The following MYO5B variants were observed in gnomAD, a reference collection of about 807,000 sequenced individuals.
MYO5B encodes unconventional myosin-Vb.
In MYO5B, 143 loss-of-function variants were observed where a neutral mutation model predicts 229.3. That is an observed-to-expected ratio of 0.62 (90% CI 0.54 to 0.72). The LOEUF is 0.72. Among genes scored for constraint, MYO5B ranks in the 30% least tolerant of loss-of-function variants. The pLI is 0.00. For missense variants in MYO5B, 2,321 were observed against 2,331.0 expected (o/e 1.00, Z 0.09); for synonymous variants, 918 against 885.2 (o/e 1.04, Z -0.66).
intron 14 of MYO5B, among the ~76,000 whole-genome samples, chr18:49,942,819 G>C (rs1012889655): frequency 2.4e-4 from 37 of 152,148 alleles, no homozygotes; most frequent in African/African-American, 8.7e-4. Context: ...ATTCCTCAGG[G>C]ATCTAGAACT....
At chr18:50,176,630 G>T (rs1430284369) in intron 1 of MYO5B, among the ~76,000 whole-genome samples, 2 of 152,158 alleles carry the variant, frequency 1.3e-5, no homozygotes, top group African/African-American at 4.8e-5. Flanking sequence ...CTTCTTGATG[G>T]TCAAAGAGCC....
intron 5 of MYO5B, among the ~76,000 whole-genome samples, chr18:49,993,076 C>T (rs1433476953): frequency 3.9e-5 from 6 of 151,968 alleles, no homozygotes; most frequent in South Asian, 2.1e-4. Context: ...AAACACTAGA[C>T]GATAATTTTT....
chr18:50,038,956 T>A (rs886132952), intron 3 of MYO5B, among the ~76,000 whole-genome samples: 1 of 152,194 alleles, frequency 6.6e-6, no homozygotes, highest in East Asian at 1.9e-4. Context: ...TCTCAAGCAC[T>A]GGAATCAACT....
At chr18:50,031,956 G>A (rs138550589) in intron 4 of MYO5B, among the ~76,000 whole-genome samples, 1 of 152,306 alleles carries the variant, frequency 6.6e-6, no homozygotes, top group African/African-American at 2.4e-5. Context: ...CTGCCTTAAA[G>A]GAAGACGTTT....
intron 8 of MYO5B, among the ~76,000 whole-genome samples, chr18:49,984,118 C>T (rs16951355): frequency 0.077 from 11,781 of 152,178 alleles, 975 homozygotes; most frequent in African/African-American, 0.21. Context: ...TCTACTTTAC[C>T]GCTTCTCCCC....
intron 1 of MYO5B, among the ~76,000 whole-genome samples, chr18:50,191,133 G>A (rs982221988): frequency 1.3e-5 from 2 of 152,206 alleles, no homozygotes; most frequent in Admixed American, 6.5e-5. Context: ...CTTGGCAAGT[G>A]GGGAGACCAT....
chr18:50,115,545 GAGACACACACAC>G (rs1416614699), intron 1 of MYO5B, among the ~76,000 whole-genome samples: 4 of 106,226 alleles, frequency 3.8e-5, no homozygotes, highest in East Asian at 2.6e-4. Context: ...CACACACAGA[GAGACACACACAC>G]ACACACACAC....
chr18:49,919,238 TGTTA>T (rs550664329), intron 17 of MYO5B, among the ~76,000 whole-genome samples: 117 of 151,964 alleles, frequency 7.7e-4, no homozygotes, highest in South Asian at 3.1e-3. Flanking sequence ...AAAACACAGA[TGTTA>T]GTTAGTCTTT....
chr18:50,068,564 G>C (rs2030877853), intron 1 of MYO5B, among the ~76,000 whole-genome samples: 1 of 152,180 alleles, frequency 6.6e-6, no homozygotes, highest in Non-Finnish European at 1.5e-5. Flanking sequence ...TGCATAGAAG[G>C]AAACAGAATG....
intron 5 of MYO5B, among the ~76,000 whole-genome samples, chr18:49,997,297 A>G (rs1409482790): frequency 1.5e-5 from 2 of 133,958 alleles, no homozygotes; most frequent in Non-Finnish European, 3.2e-5. Context: ...AAAAAAAAAA[A>G]GCAAATCCTG....
intron 22 of MYO5B, 108 bp downstream of exon 22, chr18:49,894,833 C>T: frequency 2.0e-6 from 2 of 982,804 alleles, no homozygotes; most frequent in Non-Finnish European, 3.2e-6. Flanking sequence ...CACATGAGCC[C>T]AAGACCATGG....
At chr18:49,957,035 T>C (rs1218208778) in intron 12 of MYO5B, among the ~76,000 whole-genome samples, 7 of 151,506 alleles carry the variant, frequency 4.6e-5, no homozygotes, top group African/African-American at 1.5e-4. Context: ...AACCACCAAA[T>C]TGTATACTTT....
chr18:50,152,919 A>AATTC (rs2032622848), intron 1 of MYO5B, among the ~76,000 whole-genome samples: 1 of 151,826 alleles, frequency 6.6e-6, no homozygotes, highest in African/African-American at 2.4e-5. Flanking sequence ...TCCCTTGTTC[A>AATTC]TATATTGGTG....
intron 9 of MYO5B, 149 bp from the exon 10 acceptor site, chr18:49,974,764 G>T: frequency 5.6e-6 from 2 of 356,078 alleles, no homozygotes; most frequent in Non-Finnish European, 9.2e-6. Flanking sequence ...CCTGCTGCCA[G>T]CCCAGCAGTC....
intron 1 of MYO5B, among the ~76,000 whole-genome samples, chr18:50,137,528 C>A (rs1444114487): frequency 1.3e-5 from 2 of 152,186 alleles, no homozygotes; most frequent in Non-Finnish European, 2.9e-5. Flanking sequence ...GCAGCTCTGT[C>A]AATTAGCCCA....
intron 1 of MYO5B, among the ~76,000 whole-genome samples, chr18:50,092,397 G>A (rs1199745579): frequency 3.9e-5 from 6 of 152,194 alleles, no homozygotes; most frequent in Non-Finnish European, 8.8e-5. Context: ...ACAGGCCCAA[G>A]GTCACATGGC....
At position 49,992,342 on chromosome 18, in the gene MYO5B, G is replaced by T. The variant is rs376125035; in HGVS notation, c.702C>A (p.Ile234=). The change falls in exon 6 of 40, where the codon ATC becomes ATA. Residue 234 remains isoleucine (I), a synonymous_variant. Coordinates refer to ENST00000285039, the MANE Select transcript of MYO5B (RefSeq NM_001080467.3). ...IQIGFDKRYH[I]IGANMRTYLL... ...GGTAAGTCCTCATGTTGGCCCCGAT[G>T]ATGTGGTACCTTTTGTCAAAGCCAA... 1.9e-6 allele frequency: 3 copies of T among 1,614,180 alleles called. No individual in the cohort carries two copies. Among genetic ancestry groups the T allele is most frequent in the South Asian group, 1.1e-5 (1 of 91,082 alleles).
intron 1 of MYO5B, among the ~76,000 whole-genome samples, chr18:50,182,662 G>A (rs1219860864): frequency 6.6e-6 from 1 of 152,136 alleles, no homozygotes; most frequent in Non-Finnish European, 1.5e-5. Context: ...CTCCTGACAG[G>A]GGCTCCACAT....
chr18:49,980,580 A>C (rs1213582771), intron 8 of MYO5B, 27 bp from the exon 9 acceptor site: 1 of 1,461,764 alleles, frequency 6.8e-7, no homozygotes, highest in South Asian at 1.1e-5. Context: ...AATGGATGAC[A>C]CTCAGTATCC....
Sources: gnomAD v4.1 joint callset for allele counts (sites outside exome capture counted in the v4.1 genomes callset) on GRCh38, gnomAD v4.1.1 for gene constraint, MANE v1.5 for transcripts, NCBI Gene and HGNC (gene_info 2026-07-23, HGNC 2026-07-21) for gene names.